BPNT2: variants seen among roughly 807,000 people sequenced by gnomAD.
BPNT2 encodes the protein Golgi-resident adenosine 3',5'-bisphosphate 3'-phosphatase.
Under a neutral mutation model 29.3 loss-of-function variants are expected in BPNT2, and 11 were observed. The observed-to-expected ratio is 0.38, with a 90% CI of 0.24 to 0.62. The LOEUF (loss-of-function observed/expected upper bound fraction) is 0.62. Ranked by LOEUF, BPNT2 falls within the 20% of genes least tolerant of loss-of-function variation. The pLI, the probability that BPNT2 is intolerant of heterozygous loss-of-function variation, is 0.62. For missense variants in BPNT2, 459 were observed against 473.4 expected (o/e 0.97, Z 0.28); for synonymous variants, 195 against 187.7 (o/e 1.04, Z -0.32).
At chr8:56,969,292 T>C (rs934277679) in intron 3 of BPNT2, among the ~76,000 whole-genome samples, 1 of 152,224 alleles carries the variant, frequency 6.6e-6, no homozygotes, top group South Asian at 2.1e-4. Flanking sequence ...ATCAAGACTA[T>C]AGACAAAGTT....
At chr8:56,967,675 A>G (rs1805973596) in intron 3 of BPNT2, among the ~76,000 whole-genome samples, 1 of 152,166 alleles carries the variant, frequency 6.6e-6, no homozygotes, top group African/African-American at 2.4e-5. Context: ...CCAGAATTGT[A>G]GTCTTGAGAA....
In BPNT2 at chr8:56,971,789, C is replaced by CCCT. The variant is rs1554539102; in HGVS notation, c.647-5438_647-5437insAGG. Among the ~76,000 whole-genome samples, 4 of 142,124 alleles carry CCCT rather than the reference C, an allele frequency of 2.8e-5. 1 individual carries two copies. The highest frequency in any genetic ancestry group is 4.6e-5 in the Non-Finnish European group (3 of 65,544). The allele number at this position is 142,124 out of a possible 152,430, so 93.2% of individuals were successfully genotyped here. A position where few individuals can be genotyped will look rare whatever the true frequency, so the allele number is the denominator to read the frequency against. On this transcript the variant is annotated intron_variant, in intron 3 of 4. Coordinates refer to ENST00000262644, the MANE Select transcript of BPNT2 (RefSeq NM_017813.5). ...CTGAAATAATTTTGTACCACCCCCC[C>CCCT]CCCCACAATGCTACTGTGTGGGCCC...
Position 56,978,074 on chromosome 8 carries a change from G to A in BPNT2, c.622C>T (p.His208Tyr), listed in dbSNP as rs1806174141. The A allele has an allele frequency of 6.2e-7, 1 of 1,607,236 alleles. No individual in the cohort carries two copies. Among genetic ancestry groups the A allele is most frequent in the Non-Finnish European group, 8.5e-7 (1 of 1,174,144 alleles). Residue 208 changes from histidine to tyrosine, a missense_variant, in exon 3 of 5, where the codon CAT becomes TAT. By Grantham distance (83) the His-to-Tyr change is moderately conservative (BLOSUM62 2). Coordinates refer to ENST00000262644, the MANE Select transcript of BPNT2 (RefSeq NM_017813.5). ...CCTGTATATTCGGAAAATGGCTTAT[G>A]TATAACTCCTAGCATGGGTTTACCA... Reference protein sequence around the residue: ...VNGKPMLGVIHKPFSEYTAWA... With the variant: ...VNGKPMLGVIYKPFSEYTAWA...
chr8:56,984,103 A>G (rs1221433613), intron 1 of BPNT2, among the ~76,000 whole-genome samples: 1 of 152,196 alleles, frequency 6.6e-6, no homozygotes, highest in African/African-American at 2.4e-5. Context: ...TGTAGCTTAC[A>G]AAACGGCAGT....
At chr8:56,988,297 C>G (rs915820904) in intron 1 of BPNT2, among the ~76,000 whole-genome samples, 2 of 152,184 alleles carry the variant, frequency 1.3e-5, no homozygotes, top group Non-Finnish European at 2.9e-5. Flanking sequence ...CTCACAGTCT[C>G]CATTTCCTCA....
In BPNT2 at chr8:56,980,062, G is replaced by C. The variant is rs1448995954; in HGVS notation, c.523C>G (p.Pro175Ala). 4 of 1,613,560 alleles carry C rather than the reference G, an allele frequency of 2.5e-6. No homozygotes were observed. The highest frequency in any genetic ancestry group is 1.7e-6 in the Non-Finnish European group (2 of 1,179,838). The change falls in exon 2 of 5, where the codon CCA (proline) becomes GCA (alanine). Residue 175 changes from proline to alanine, a missense_variant. Coordinates refer to ENST00000262644, the MANE Select transcript of BPNT2 (RefSeq NM_017813.5). Reference protein sequence around the residue: ...PAESVTVWIDPLDATQEYTED... With the variant: ...PAESVTVWIDALDATQEYTED... ...GTATATTCCTGTGTAGCATCAAGTG[G>C]GTCAATCCAGACAGTAACACTTTCT...
chr8:56,991,770 G>A (rs974652537), intron 1 of BPNT2, among the ~76,000 whole-genome samples: 3 of 152,136 alleles, frequency 2.0e-5, no homozygotes, highest in Non-Finnish European at 2.9e-5. Context: ...CCATTAAATA[G>A]CAACTTCTCT....
In BPNT2 at chr8:56,961,356, A is replaced by G. The variant is rs1414356129; in HGVS notation, c.*2437T>C. 1 of 152,226 alleles carries G rather than the reference A, an allele frequency of 6.6e-6. No homozygotes were observed. The highest frequency in any genetic ancestry group is 1.5e-5 in the Non-Finnish European group (1 of 68,052). The allele number at this position is 152,226 out of a possible 1,614,324, so 9.4% of individuals were successfully genotyped here. A position where few individuals can be genotyped will look rare whatever the true frequency, so the allele number is the denominator to read the frequency against. On this transcript the variant is annotated 3_prime_UTR_variant, in exon 5 of 5. Transcript: ENST00000262644. ...ATGTCTTGTGTAAATAAATATAAAT[A>G]CTGTTCCTAATTCTGCAACGTATAT...
In BPNT2 at chr8:56,959,703, T is replaced by C. The variant is rs758626797; in HGVS notation, c.*4090A>G. ...TATTTCAGACCTATATACATCAAGA[T>C]GCCAGTTCTTATAAAAAACATACTT... On this transcript the variant is annotated 3_prime_UTR_variant, in exon 5 of 5. Transcript: ENST00000262644. The C allele has an allele frequency of 6.6e-6, 1 of 152,170 alleles. No individual in the cohort carries two copies. Among genetic ancestry groups the C allele is most frequent in the Non-Finnish European group, 1.5e-5 (1 of 68,022 alleles). 9.4% of individuals were successfully genotyped at this position (152,170 alleles called of 1,614,324 possible). A position where few individuals can be genotyped will look rare whatever the true frequency, so the allele number is the denominator to read the frequency against.
intron 1 of BPNT2, among the ~76,000 whole-genome samples, chr8:56,988,837 T>A (rs1375127819): frequency 6.6e-6 from 1 of 152,162 alleles, no homozygotes; most frequent in Non-Finnish European, 1.5e-5. Context: ...CCACTCCCCT[T>A]CACCAGCAAC....
chr8:56,992,889 A>C (rs1481390358), intron 1 of BPNT2, among the ~76,000 whole-genome samples: 1 of 151,960 alleles, frequency 6.6e-6, no homozygotes, highest in Non-Finnish European at 1.5e-5. Context: ...CCTTAATTCT[A>C]CAGAGGAGCC....
intron 3 of BPNT2, among the ~76,000 whole-genome samples, chr8:56,967,679 T>C (rs1310894199): frequency 2.0e-5 from 3 of 152,226 alleles, no homozygotes; most frequent in African/African-American, 2.4e-5. Context: ...AATTGTAGTC[T>C]TGAGAACACC....
In BPNT2 at chr8:56,960,409, C is replaced by T. The variant is rs1805812848; in HGVS notation, c.*3384G>A. The T allele has an allele frequency of 6.6e-6, 1 of 152,382 alleles. No homozygotes were observed. The highest frequency in any genetic ancestry group is 3.4e-3 in the Middle Eastern group (1 of 296). The allele number at this position is 152,382 out of a possible 1,614,324, so 9.4% of individuals were successfully genotyped here. On this transcript the variant is annotated 3_prime_UTR_variant, in exon 5 of 5. Coordinates refer to ENST00000262644, the MANE Select transcript of BPNT2 (RefSeq NM_017813.5). Reference sequence around the variant, plus strand: ...CTGACCCTCTTCCTAGCCACCACCCCTCTCCCTCTGACACAGTTCACAAAA... The same window carrying T: ...CTGACCCTCTTCCTAGCCACCACCCTTCTCCCTCTGACACAGTTCACAAAA...
At chr8:56,985,681 T>C (rs759036200) in intron 1 of BPNT2, among the ~76,000 whole-genome samples, 7 of 152,214 alleles carry the variant, frequency 4.6e-5, no homozygotes, top group Non-Finnish European at 8.8e-5. Context: ...TCAGATCCTT[T>C]TGTTAGCCTC....
intron 3 of BPNT2, among the ~76,000 whole-genome samples, chr8:56,977,639 T>C (rs962501765): frequency 6.6e-6 from 1 of 152,136 alleles, no homozygotes; most frequent in Admixed American, 6.5e-5. Context: ...TACGTTGAGA[T>C]GAGGTCACAC....
At chr8:56,990,775 T>C (rs1380680828) in intron 1 of BPNT2, among the ~76,000 whole-genome samples, 1 of 152,096 alleles carries the variant, frequency 6.6e-6, no homozygotes, top group African/African-American at 2.4e-5. Flanking sequence ...CAAAACTGTC[T>C]CCAGTTGAGT....
intron 1 of BPNT2, among the ~76,000 whole-genome samples, chr8:56,984,591 T>C (rs1297000670): frequency 6.6e-6 from 1 of 152,176 alleles, no homozygotes; most frequent in Non-Finnish European, 1.5e-5. Context: ...TACAATATAT[T>C]CATTTACCCA....
chr8:56,984,391 T>C (rs1418740721), intron 1 of BPNT2, among the ~76,000 whole-genome samples: 1 of 152,200 alleles, frequency 6.6e-6, no homozygotes, highest in Non-Finnish European at 1.5e-5. Context: ...ACCTTATCAA[T>C]AGTTGCTATG....
intron 4 of BPNT2, among the ~76,000 whole-genome samples, chr8:56,964,597 G>A (rs186869974): frequency 3.5e-4 from 53 of 152,158 alleles, no homozygotes; most frequent in Admixed American, 2.6e-3. Context: ...CACTGCACCC[G>A]GCCTGCAAAG....
Sources: allele counts gnomAD v4.1 joint callset (sites outside exome capture counted in the v4.1 genomes callset), GRCh38; gene constraint gnomAD v4.1.1; transcripts MANE v1.5; gene names NCBI Gene and HGNC (gene_info 2026-07-23, HGNC 2026-07-21).